The following KSR2 variants were observed in gnomAD, a reference collection of about 807,000 sequenced individuals.
KSR2 encodes the protein kinase suppressor of ras 2.
KSR2 carries 25 observed loss-of-function variants against 107.8 expected under a neutral mutation model. The ratio of observed to expected loss-of-function variants is 0.23; its 90% CI spans 0.17 to 0.32. The LOEUF is 0.32. KSR2 is among the 10% of genes least tolerant of loss of function. KSR2 has a pLI of 1.00. For synonymous variants in KSR2, 480 were observed against 507.0 expected (o/e 0.95, Z 0.71); for missense variants, 887 against 1,268.9 (o/e 0.70, Z 4.57).
intron 3 of KSR2, among the ~76,000 whole-genome samples, chr12:117,839,113 G>C (rs953504154): frequency 1.3e-5 from 2 of 152,128 alleles, no homozygotes; most frequent in Non-Finnish European, 2.9e-5. Context: ...CCTCCCACAC[G>C]ATCTCATTCC....
intron 4 of KSR2, 107 bp downstream of exon 4, chr12:117,760,904 G>GC: frequency 7.2e-7 from 1 of 1,385,506 alleles, no homozygotes; most frequent in Non-Finnish European, 1.0e-6. Flanking sequence ...AGTCTGGAAC[G>GC]CAAGTCTGTT....
At chr12:117,608,625 C>T (rs1386462595) in intron 5 of KSR2, among the ~76,000 whole-genome samples, 1 of 151,976 alleles carries the variant, frequency 6.6e-6, no homozygotes, top group Non-Finnish European at 1.5e-5. Context: ...ATTTATTTTA[C>T]AAACAGAAGA....
At chr12:117,910,316 A>T (rs1894975248) in intron 1 of KSR2, among the ~76,000 whole-genome samples, 1 of 152,168 alleles carries the variant, frequency 6.6e-6, no homozygotes. Context: ...ATGCTTGCTA[A>T]CCTTCTGCCT....
chr12:117,884,067 A>G (rs898804047), intron 1 of KSR2, among the ~76,000 whole-genome samples: 4 of 152,040 alleles, frequency 2.6e-5, no homozygotes, highest in African/African-American at 7.2e-5. Context: ...CTGCAAAGCA[A>G]CCTAGTGAGA....
chr12:117,722,575 T>C (rs1197248350), intron 4 of KSR2, among the ~76,000 whole-genome samples: 3 of 152,134 alleles, frequency 2.0e-5, no homozygotes, highest in Admixed American at 1.3e-4. Flanking sequence ...AGTTTACAAA[T>C]GCCATGACAA....
At chr12:117,755,047 T>G (rs1318186223) in intron 4 of KSR2, among the ~76,000 whole-genome samples, 3 of 151,966 alleles carry the variant, frequency 2.0e-5, no homozygotes, top group Non-Finnish European at 4.4e-5. Flanking sequence ...AAACCAGACA[T>G]GAAAGAGAGA....
At position 117,522,127 on chromosome 12, in the gene KSR2, G is replaced by A. The variant is rs946522684; in HGVS notation, c.2219+2725C>T. Among the ~76,000 whole-genome samples the A allele has an allele frequency of 1.6e-4, 24 of 152,254 alleles. No homozygotes were observed. The East Asian group carries it at 3.1e-3, about 20-fold the overall frequency. On this transcript the variant is annotated intron_variant, in intron 14 of 19. Transcript: ENST00000339824. ...TGTGAAATCTGTAGGCAGTTATGGC[G>A]CTTGGGGAGGGGGGCTCAGAATTTT... is the stretch of plus-strand genomic sequence containing the variant.
intron 1 of KSR2, among the ~76,000 whole-genome samples, chr12:117,919,485 T>G (rs1429502305): frequency 6.6e-6 from 1 of 152,246 alleles, no homozygotes; most frequent in Non-Finnish European, 1.5e-5. Flanking sequence ...TATGCTAGGC[T>G]GTTTGTTGCA....
chr12:117,873,395 T>C (rs1317380797), intron 1 of KSR2, among the ~76,000 whole-genome samples: 1 of 147,914 alleles, frequency 6.8e-6, no homozygotes, highest in Non-Finnish European at 1.5e-5. Flanking sequence ...ATAATAATAA[T>C]GGGAGCTCCA....
chr12:117,511,783 G>T (rs1270772035), intron 14 of KSR2, among the ~76,000 whole-genome samples: 2 of 152,156 alleles, frequency 1.3e-5, no homozygotes, highest in African/African-American at 4.8e-5. Context: ...AAGGACAGTG[G>T]TGGCAAACAT....
chr12:117,607,345 T>TG lies in KSR2; in HGVS notation c.1172-24987dup, dbSNP rs751366684. 5.3e-5 allele frequency among the ~76,000 whole-genome samples: 8 copies of TG among 152,286 alleles called. No homozygotes were observed. The East Asian group carries it at 7.7e-4, about 15-fold the overall frequency. On this transcript the variant is annotated intron_variant, in intron 5 of 19. Transcript: ENST00000339824. The stretch of plus-strand genomic sequence containing the variant: ...CCTCCTCTAGTCTTCTCCGTGACTA[T>TG]GGGGAAAGAGACATAGCTATTCCGC...
intron 14 of KSR2, among the ~76,000 whole-genome samples, chr12:117,496,512 T>A (rs1237862530): frequency 6.6e-6 from 1 of 152,228 alleles, no homozygotes; most frequent in Non-Finnish European, 1.5e-5. Context: ...TGTATTTATA[T>A]GAATCTGCCA....
intron 3 of KSR2, among the ~76,000 whole-genome samples, chr12:117,773,954 C>T (rs972224345): frequency 5.9e-5 from 9 of 152,288 alleles, no homozygotes; most frequent in South Asian, 2.1e-4. Context: ...AAGAAAATTC[C>T]GCTATTGTCT....
chr12:117,842,400 T>C lies in KSR2; in HGVS notation c.472+13028A>G, dbSNP rs573541237. On this transcript the variant is annotated intron_variant, in intron 3 of 19. Transcript: ENST00000339824. This position sits in a 1 kb window ranked among gnomAD's most constrained non-coding sequence, Gnocchi z 4.2. ...TGTGCAAAGGCCCTGGGGCAGGCGTTGTGAAGAAGAGAGGGTAGCTGGGTG... is the reference window on the plus strand; with the variant it reads ...TGTGCAAAGGCCCTGGGGCAGGCGTCGTGAAGAAGAGAGGGTAGCTGGGTG... Among the ~76,000 whole-genome samples the C allele has an allele frequency of 1.6e-3, 251 of 152,136 alleles. 1 individual carries two copies. Among genetic ancestry groups the C allele is most frequent in the African/African-American group, 5.9e-3 (243 of 41,506 alleles).
At chr12:117,631,875 A>G (rs1882823529) in intron 5 of KSR2, among the ~76,000 whole-genome samples, 1 of 152,240 alleles carries the variant, frequency 6.6e-6, no homozygotes, top group African/African-American at 2.4e-5. Context: ...TAGAGTCCCC[A>G]TAAAACATTT....
intron 7 of KSR2, among the ~76,000 whole-genome samples, chr12:117,570,618 C>T (rs1878822165): frequency 6.6e-6 from 1 of 152,152 alleles, no homozygotes; most frequent in African/African-American, 2.4e-5. Flanking sequence ...GGGTCTGTTT[C>T]TTTTTATACT....
At chr12:117,562,965 C>A (rs754553592) in intron 7 of KSR2, among the ~76,000 whole-genome samples, 7 of 152,136 alleles carry the variant, frequency 4.6e-5, no homozygotes, top group Non-Finnish European at 1.0e-4. Context: ...ATAGAGTCGG[C>A]AGGATTAGAC....
chr12:117,712,055 C>T (rs1038883473), intron 4 of KSR2, among the ~76,000 whole-genome samples: 5 of 152,184 alleles, frequency 3.3e-5, no homozygotes, highest in African/African-American at 1.2e-4. Flanking sequence ...AGCCAACCCT[C>T]CCAGGTCCAG....
chr12:117,517,738 G>A (rs1182073006), intron 14 of KSR2: 4 of 429,970 alleles, frequency 9.3e-6, no homozygotes, highest in African/African-American at 4.1e-5. Context: ...AAGGGAAAGC[G>A]ATTCAGCTTT....
Sources: gnomAD v4.1 joint callset for allele counts (sites outside exome capture counted in the v4.1 genomes callset) on GRCh38, gnomAD v4.1.1 for gene constraint, Gnocchi (gnomAD v3.1) non-coding constraint, MANE v1.5 for transcripts, NCBI Gene and HGNC (gene_info 2026-07-23, HGNC 2026-07-21) for gene names.